The following SHISA9 variants were observed in gnomAD, a reference collection of about 807,000 sequenced individuals.
SHISA9 encodes shisa family member 9, also known as protein shisa-9.
SHISA9 carries 13 observed loss-of-function variants against 38.0 expected under a neutral mutation model. The observed-to-expected ratio is 0.34, with a 90% CI of 0.22 to 0.54. SHISA9 has a LOEUF of 0.54. Among genes scored for constraint, SHISA9 ranks in the 20% least tolerant of loss-of-function variants. The pLI is 0.91. For synonymous variants in SHISA9, 275 were observed against 242.0 expected, an observed-to-expected ratio of 1.14 and a Z score of -1.27; for missense variants, 538 against 575.8, an observed-to-expected ratio of 0.93 and a Z score of 0.67.
At chr16:13,207,638 CTG>C (rs2051078668) in intron 3 of SHISA9, among the ~76,000 whole-genome samples, 1 of 152,056 alleles carries the variant, frequency 6.6e-6, no homozygotes, top group Admixed American at 6.6e-5. Context: ...AGGGCTTTCT[CTG>C]AGACATAGGT....
chr16:13,158,572 A>T (rs1233861824), intron 2 of SHISA9, among the ~76,000 whole-genome samples: 1 of 152,156 alleles, frequency 6.6e-6, no homozygotes, highest in Admixed American at 6.5e-5. Flanking sequence ...TACTTGGGCT[A>T]CCAGCTCCCA....
chr16:13,449,398 T>C, the SHISA9 span, among the ~76,000 whole-genome samples: 1 of 152,190 alleles, frequency 6.6e-6, no homozygotes, highest in Admixed American at 6.5e-5. Context: ...AGTGTTACTT[T>C]AAAAATCTAA....
chr16:13,326,186 T>C, the SHISA9 span, among the ~76,000 whole-genome samples: 1 of 152,012 alleles, frequency 6.6e-6, no homozygotes, highest in African/African-American at 2.4e-5. Context: ...CTTTCCCCTA[T>C]TCAGGCCCAC....
the SHISA9 span, among the ~76,000 whole-genome samples, chr16:13,442,480 G>T: frequency 6.6e-6 from 1 of 152,068 alleles, no homozygotes; most frequent in Non-Finnish European, 1.5e-5. Context: ...GCTAATTTTT[G>T]TATTATTATT....
chr16:13,129,015 C>G (rs938785572), intron 2 of SHISA9, among the ~76,000 whole-genome samples: 1 of 152,146 alleles, frequency 6.6e-6, no homozygotes, highest in African/African-American at 2.4e-5. Context: ...TTTCCAATGA[C>G]TCTATGTCAT....
intron 2 of SHISA9, among the ~76,000 whole-genome samples, chr16:12,969,728 C>G (rs1032737515): frequency 2.6e-5 from 4 of 152,162 alleles, no homozygotes; most frequent in South Asian, 2.1e-4. Flanking sequence ...GCCTGGGAGA[C>G]AGAGCCAGAC....
chr16:13,283,830 C>G, the SHISA9 span, among the ~76,000 whole-genome samples: 1 of 152,080 alleles, frequency 6.6e-6, no homozygotes, highest in Non-Finnish European at 1.5e-5. Context: ...AGGACCAGAA[C>G]CCCAACATCT....
At chr16:13,009,098 ATTT>A in intron 2 of SHISA9, among the ~76,000 whole-genome samples, 1 of 146,586 alleles carries the variant, frequency 6.8e-6, no homozygotes, top group African/African-American at 2.5e-5. Flanking sequence ...GTGTGTGTGT[ATTT>A]TTTTTTTTTT....
At chr16:13,411,666 A>C in the SHISA9 span, among the ~76,000 whole-genome samples, 2 of 152,228 alleles carry the variant, frequency 1.3e-5, no homozygotes, top group Non-Finnish European at 2.9e-5. Flanking sequence ...GCAGCAGAAT[A>C]AATGAAGATG....
chr16:13,019,828 CTTTCTTTTT>C (rs2072808870), intron 2 of SHISA9, among the ~76,000 whole-genome samples: 1 of 88,308 alleles, frequency 1.1e-5, no homozygotes. Context: ...TTCTTTCTTT[CTTTCTTTTT>C]CCTTCCTTCC....
chr16:13,360,425 A>T, the SHISA9 span, among the ~76,000 whole-genome samples: 191 of 152,232 alleles, frequency 1.3e-3, no homozygotes, highest in African/African-American at 4.5e-3. Context: ...AGGCAATTGA[A>T]TCATGGGGGC....
rs72784487 is a variant in SHISA9 at position 13,139,077 on chromosome 16, C to T, written c.692-64317C>T. On this transcript the variant is annotated intron_variant, in intron 2 of 4. Transcript: ENST00000558583. ...GTTGTCACCACTACAGTGCCATTAC[C>T]TTCCACTGTGGCCTCAGAAATATCA... Among the ~76,000 whole-genome samples, 1,015 of 152,280 alleles carry T rather than the reference C, an allele frequency of 6.7e-3. 3 individuals are homozygous for T. Among genetic ancestry groups the T allele is most frequent in the Non-Finnish European group, 0.01 (706 of 68,018 alleles).
chr16:13,358,735 A>G, the SHISA9 span, among the ~76,000 whole-genome samples: 1,041 of 152,334 alleles, frequency 6.8e-3, 11 homozygotes, highest in African/African-American at 0.023. Flanking sequence ...CCTGACCAAC[A>G]TAAGACTGTT....
At chr16:12,978,860 T>G (rs1315673885) in intron 2 of SHISA9, among the ~76,000 whole-genome samples, 1 of 152,168 alleles carries the variant, frequency 6.6e-6, no homozygotes, top group Non-Finnish European at 1.5e-5. Flanking sequence ...TACACCCAAG[T>G]AGTAATTGTA....
At chr16:13,309,833 C>T in the SHISA9 span, among the ~76,000 whole-genome samples, 1 of 151,926 alleles carries the variant, frequency 6.6e-6, no homozygotes, top group Non-Finnish European at 1.5e-5. Flanking sequence ...ACAAAAAACT[C>T]CAAACAAAAT....
At chr16:12,988,636 T>C (rs568390508) in intron 2 of SHISA9, among the ~76,000 whole-genome samples, 7 of 152,160 alleles carry the variant, frequency 4.6e-5, no homozygotes, top group African/African-American at 1.7e-4. Context: ...CCGATTCTCC[T>C]CCCTCAGCCA....
intron 2 of SHISA9, among the ~76,000 whole-genome samples, chr16:12,948,553 G>C (rs1596544650): frequency 6.6e-6 from 1 of 152,222 alleles, no homozygotes; most frequent in African/African-American, 2.4e-5. Flanking sequence ...GGAAGTCCAA[G>C]ATCAAGGTGC....
At chr16:12,954,791 G>A (rs2071806502) in intron 2 of SHISA9, among the ~76,000 whole-genome samples, 1 of 152,106 alleles carries the variant, frequency 6.6e-6, no homozygotes, top group Non-Finnish European at 1.5e-5. Context: ...CCAGTGAAAC[G>A]GGGATTACAG....
the SHISA9 span, among the ~76,000 whole-genome samples, chr16:13,407,070 C>CA: frequency 0.019 from 877 of 45,632 alleles, 101 homozygotes; most frequent in South Asian, 0.054. Context: ...CTCTGTCTCA[C>CA]AAAAAAAAAA....
Sources: gnomAD v4.1 joint callset for allele counts (sites outside exome capture counted in the v4.1 genomes callset) on GRCh38, gnomAD v4.1.1 for gene constraint, MANE v1.5 for transcripts, NCBI Gene and HGNC (gene_info 2026-07-23, HGNC 2026-07-21) for gene names.